NREP: variants seen among roughly 807,000 people sequenced by gnomAD.
The protein encoded by NREP is neuronal regeneration-related protein.
A neutral mutation model predicts 8.6 loss-of-function variants in NREP; 5 were observed. The ratio of observed to expected loss-of-function variants is 0.58; its 90% CI spans 0.30 to 1.22. The LOEUF is 1.22. Ranked by LOEUF, NREP falls within the 50% of genes most tolerant of loss-of-function variation. The pLI, the probability that NREP is intolerant of heterozygous loss-of-function variation, is 0.07. For missense variants in NREP, 86 were observed against 82.5 expected, an observed-to-expected ratio of 1.04 and a Z score of -0.17; for synonymous variants, 27 against 28.0, an observed-to-expected ratio of 0.96 and a Z score of 0.11.
intron 2 of NREP, among the ~76,000 whole-genome samples, chr5:111,838,346 G>C (rs773803399): frequency 4.6e-4 from 70 of 152,090 alleles, no homozygotes; most frequent in Non-Finnish European, 8.5e-4. Flanking sequence ...AGGGCTACAG[G>C]AATAAGCTAA....
At chr5:111,733,517 A>G (rs1226572551) in intron 3 of NREP, 2 of 150,690 alleles carry the variant, frequency 1.3e-5, no homozygotes, top group African/African-American at 4.9e-5. Flanking sequence ...TTTTTTTTAA[A>G]TAATAATAGG....
At chr5:111,882,909 C>T (rs1295689028) in intron 2 of NREP, among the ~76,000 whole-genome samples, 1 of 152,256 alleles carries the variant, frequency 6.6e-6, no homozygotes, top group Admixed American at 6.5e-5. Context: ...TAGGAAGAAA[C>T]TGCATCAACT....
At chr5:111,910,691 GA>G (rs1485355117) in intron 2 of NREP, among the ~76,000 whole-genome samples, 1 of 151,912 alleles carries the variant, frequency 6.6e-6, no homozygotes, top group Admixed American at 6.6e-5. Context: ...TCTGAGACTG[GA>G]ACAAACTCAA....
intron 2 of NREP, among the ~76,000 whole-genome samples, chr5:111,909,396 G>C (rs948457506): frequency 6.6e-6 from 1 of 151,986 alleles, no homozygotes; most frequent in Admixed American, 6.6e-5. Flanking sequence ...GAGTTGGTTT[G>C]ATTATAAATA....
At chr5:111,870,133 A>C (rs1005509003) in intron 2 of NREP, among the ~76,000 whole-genome samples, 12 of 152,192 alleles carry the variant, frequency 7.9e-5, no homozygotes, top group African/African-American at 2.9e-4. Context: ...CATGACATGA[A>C]TAATTAGCAC....
At chr5:111,740,126 T>C (rs1749522111) in intron 2 of NREP, among the ~76,000 whole-genome samples, 1 of 152,202 alleles carries the variant, frequency 6.6e-6, no homozygotes, top group Non-Finnish European at 1.5e-5. Flanking sequence ...TCACTGAATA[T>C]ATTGGTTAAT....
intron 2 of NREP, among the ~76,000 whole-genome samples, chr5:111,857,084 A>G (rs1034592094): frequency 6.6e-6 from 1 of 152,190 alleles, no homozygotes; most frequent in East Asian, 1.9e-4. Context: ...CACAGCTGTA[A>G]TAGGAAATTT....
intron 2 of NREP, among the ~76,000 whole-genome samples, chr5:111,955,170 T>C (rs1314827568): frequency 1.3e-5 from 2 of 152,142 alleles, no homozygotes; most frequent in African/African-American, 4.8e-5. Context: ...TAAAAGGTTA[T>C]GGTGAGAGCC....
intron 2 of NREP, among the ~76,000 whole-genome samples, chr5:111,916,566 T>C (rs982312409): frequency 3.3e-5 from 5 of 152,132 alleles, no homozygotes; most frequent in Non-Finnish European, 7.4e-5. Flanking sequence ...GCCATGGGCC[T>C]TTGCGTGGTG....
chr5:111,887,988 T>G lies in NREP; in HGVS notation c.135+87286A>C. On this transcript the variant is annotated intron_variant, in intron 2 of 3. Transcript: ENST00000395634. Reference sequence around the variant, plus strand: ...GAAGGAAAAGTCCTGTCAAATGAATTACTAAAATGATTGTATTTTACAAGA... The same window carrying G: ...GAAGGAAAAGTCCTGTCAAATGAATGACTAAAATGATTGTATTTTACAAGA... 1.3e-5 allele frequency among the ~76,000 whole-genome samples: 2 copies of G among 152,180 alleles called. 1 individual carries two copies. The highest frequency in any genetic ancestry group is 2.9e-5 in the Non-Finnish European group (2 of 68,024).
At chr5:111,976,839 C>G in exon 1 of NREP, 1 of 875,542 alleles carries the variant, frequency 1.1e-6, no homozygotes, top group Non-Finnish European at 1.8e-6. Context: ...AGCTCTGCAG[C>G]CCATTCTGAT....
At chr5:111,890,200 G>A (rs1754361210) in intron 2 of NREP, among the ~76,000 whole-genome samples, 1 of 152,162 alleles carries the variant, frequency 6.6e-6, no homozygotes, top group Admixed American at 6.5e-5. Flanking sequence ...AACACAGCAG[G>A]GCAGTCATTA....
intron 2 of NREP, among the ~76,000 whole-genome samples, chr5:111,882,174 G>A (rs914445234): frequency 2.6e-5 from 4 of 152,328 alleles, no homozygotes; most frequent in African/African-American, 9.6e-5. Context: ...GGAGAACTAC[G>A]TGAAGAATGC....
At chr5:111,886,623 C>T (rs1239870107) in intron 2 of NREP, among the ~76,000 whole-genome samples, 1 of 150,670 alleles carries the variant, frequency 6.6e-6, no homozygotes, top group African/African-American at 2.4e-5. Flanking sequence ...ACATATACAC[C>T]ATGGAATACT....
At chr5:111,881,714 C>A (rs896879526) in intron 2 of NREP, among the ~76,000 whole-genome samples, 1 of 152,184 alleles carries the variant, frequency 6.6e-6, no homozygotes, top group Non-Finnish European at 1.5e-5. Flanking sequence ...GATACCCCGG[C>A]AAACAGGGTC....
chr5:111,790,623 C>A (rs181918), intron 2 of NREP, among the ~76,000 whole-genome samples: 27,569 of 151,780 alleles, frequency 0.18, 3,218 homozygotes, highest in Non-Finnish European at 0.25. Flanking sequence ...AAAGGTTTCG[C>A]CTATCCATGT....
chr5:111,943,285 T>C (rs1158240046), intron 2 of NREP, among the ~76,000 whole-genome samples: 3 of 152,060 alleles, frequency 2.0e-5, no homozygotes, highest in African/African-American at 7.2e-5. Context: ...GAACTCCCTA[T>C]ACATCTTCTT....
intron 2 of NREP, among the ~76,000 whole-genome samples, chr5:111,900,086 A>G (rs1442516629): frequency 1.3e-5 from 2 of 152,312 alleles, no homozygotes; most frequent in African/African-American, 2.4e-5. Flanking sequence ...TTAAAATTAT[A>G]TAAAGTGTCT....
chr5:111,869,539 G>A (rs771540959), intron 2 of NREP, among the ~76,000 whole-genome samples: 12 of 152,046 alleles, frequency 7.9e-5, no homozygotes, highest in Non-Finnish European at 1.6e-4. Flanking sequence ...TTTATAGTTG[G>A]GCTATTCTTG....
Sources: gnomAD v4.1 joint callset for allele counts (sites outside exome capture counted in the v4.1 genomes callset) on GRCh38, gnomAD v4.1.1 for gene constraint, MANE v1.5 for transcripts, NCBI Gene and HGNC (gene_info 2026-07-23, HGNC 2026-07-21) for gene names.